COL14A1: variants seen among roughly 807,000 people sequenced by gnomAD.
The protein encoded by COL14A1 is collagen alpha-1(XIV) chain.
A neutral mutation model predicts 230.3 loss-of-function variants in COL14A1; 136 were observed. The observed-to-expected ratio is 0.59, with a 90% CI of 0.51 to 0.68. The LOEUF (loss-of-function observed/expected upper bound fraction) is 0.68. COL14A1 is among the 30% of genes least tolerant of loss of function. The pLI is 0.00. For missense variants in COL14A1, 1,976 were observed against 2,215.8 expected, an observed-to-expected ratio of 0.89 and a Z score of 2.17; for synonymous variants, 792 against 784.1, an observed-to-expected ratio of 1.01 and a Z score of -0.17.
At chr8:120,323,163 A>C (rs2130160746) in intron 40 of COL14A1, among the ~76,000 whole-genome samples, 1 of 152,028 alleles carries the variant, frequency 6.6e-6, no homozygotes, top group South Asian at 2.1e-4. Context: ...GTCTTTAATG[A>C]TCAGTGATGT....
At chr8:120,278,837 C>T (rs1819937891) in intron 28 of COL14A1, among the ~76,000 whole-genome samples, 1 of 151,958 alleles carries the variant, frequency 6.6e-6, no homozygotes, top group African/African-American at 2.4e-5. Flanking sequence ...CAATTAAGTA[C>T]TGTAAGAAAA....
chr8:120,236,103 T>A (rs1326901147), intron 19 of COL14A1, among the ~76,000 whole-genome samples: 1 of 152,166 alleles, frequency 6.6e-6, no homozygotes, highest in Non-Finnish European at 1.5e-5. Context: ...TGGTTTGGAG[T>A]GGAGAGTTCT....
chr8:120,305,668 A>AT (rs1218930263), intron 36 of COL14A1, among the ~76,000 whole-genome samples: 1 of 151,250 alleles, frequency 6.6e-6, no homozygotes, highest in African/African-American at 2.4e-5. Flanking sequence ...CACAACTTTA[A>AT]TTTTACTTTC....
intron 42 of COL14A1, among the ~76,000 whole-genome samples, chr8:120,333,516 G>T (rs78388559): frequency 2.6e-5 from 4 of 152,320 alleles, no homozygotes; most frequent in Middle Eastern, 3.4e-3. Flanking sequence ...GCAAAGATGT[G>T]TACAACTGCA....
At chr8:120,186,833 C>T (rs1321293847) in intron 5 of COL14A1, among the ~76,000 whole-genome samples, 1 of 152,116 alleles carries the variant, frequency 6.6e-6, no homozygotes, top group African/African-American at 2.4e-5. Context: ...CAAGAGATGA[C>T]CCAGATAAAG....
At chr8:120,146,444 A>G (rs1247088570) in intron 1 of COL14A1, among the ~76,000 whole-genome samples, 2 of 150,624 alleles carry the variant, frequency 1.3e-5, no homozygotes, top group African/African-American at 4.8e-5. Context: ...TTACTATAGT[A>G]AGGTATACCT....
chr8:120,232,573 C>G (rs1363611089), intron 19 of COL14A1, among the ~76,000 whole-genome samples: 1 of 152,266 alleles, frequency 6.6e-6, no homozygotes, highest in Non-Finnish European at 1.5e-5. Context: ...CAGCTTCATC[C>G]ATGTCCCTGC....
chr8:120,226,565 C>A lies in COL14A1; in HGVS notation c.1865-62C>A, dbSNP rs573983234. On this transcript the variant is annotated intron_variant, in intron 15 of 47. Coordinates refer to ENST00000297848, the MANE Select transcript of COL14A1 (RefSeq NM_021110.4). Reference sequence around the variant, plus strand: ...GAGTCTTCTACACCCCTGGGAGATACTTGGGTTTTGGCTTTCTTGCCTTCT... The same window carrying A: ...GAGTCTTCTACACCCCTGGGAGATAATTGGGTTTTGGCTTTCTTGCCTTCT... The A allele has an allele frequency of 7.2e-4, 1,133 of 1,582,016 alleles. 2 individuals are homozygous for A. Among genetic ancestry groups the A allele is most frequent in the Middle Eastern group, 2.4e-3 (14 of 5,776 alleles).
chr8:120,370,576 CA>C, intron 47 of COL14A1: 2 of 1,456,508 alleles, frequency 1.4e-6, no homozygotes, highest in Non-Finnish European at 1.8e-6. Context: ...GGAACTTAAC[CA>C]AATCATATAT....
intron 23 of COL14A1, among the ~76,000 whole-genome samples, chr8:120,256,301 A>G (rs1384640497): frequency 6.6e-6 from 1 of 152,222 alleles, no homozygotes; most frequent in Admixed American, 6.5e-5. Flanking sequence ...TGGGTTTAGT[A>G]GCCCATATTC....
At chr8:120,369,309 T>C (rs1231821281) in intron 46 of COL14A1, 21 bp from the exon 47 acceptor site, 1 of 1,482,860 alleles carries the variant, frequency 6.7e-7, no homozygotes, top group African/African-American at 1.4e-5. Flanking sequence ...CCAACGGTTT[T>C]CATCTGTGGG....
intron 5 of COL14A1, among the ~76,000 whole-genome samples, chr8:120,185,831 G>A (rs1246614070): frequency 6.6e-6 from 1 of 152,096 alleles, no homozygotes; most frequent in East Asian, 1.9e-4. Context: ...GCAGTGCAAT[G>A]GCGTGATCTT....
At chr8:120,316,132 C>A in intron 40 of COL14A1, 135 bp downstream of exon 40, 1 of 739,424 alleles carries the variant, frequency 1.4e-6, no homozygotes, top group Non-Finnish European at 2.3e-6. Context: ...ATGTATTTTC[C>A]ACCTATCCTG....
intron 13 of COL14A1, among the ~76,000 whole-genome samples, chr8:120,214,910 C>T (rs1032881667): frequency 5.9e-5 from 9 of 152,080 alleles, no homozygotes; most frequent in South Asian, 4.1e-4. Context: ...ACTGGCTATG[C>T]GTATATCTAG....
At chr8:120,195,331 A>AT (rs926575873) in intron 5 of COL14A1, among the ~76,000 whole-genome samples, 5 of 152,154 alleles carry the variant, frequency 3.3e-5, no homozygotes, top group East Asian at 1.9e-4. Flanking sequence ...AAAAATAAAG[A>AT]TTTTTTTAGA....
chr8:120,166,910 GTGTGTGTGTGT>G, intron 4 of COL14A1, among the ~76,000 whole-genome samples: 1 of 149,656 alleles, frequency 6.7e-6, no homozygotes, highest in African/African-American at 2.5e-5. Flanking sequence ...GTGTGTGTGT[GTGTGTGTGTGT>G]GGTGGTGATG....
intron 37 of COL14A1, among the ~76,000 whole-genome samples, chr8:120,310,781 A>G (rs2130087355): frequency 6.6e-6 from 1 of 152,302 alleles, no homozygotes; most frequent in Admixed American, 6.5e-5. Flanking sequence ...ATTTCCTTAA[A>G]GTCTATGCTG....
chr8:120,371,308 T>G lies in COL14A1; in HGVS notation c.*77T>G. The G allele has an allele frequency of 8.4e-7, 1 of 1,186,098 alleles. No homozygotes were observed. The highest frequency in any genetic ancestry group is 1.2e-6 in the Non-Finnish European group (1 of 822,290). 73.5% of individuals were successfully genotyped at this position (1,186,098 alleles called of 1,614,324 possible). A position where few individuals can be genotyped will look rare whatever the true frequency, so the allele number is the denominator to read the frequency against. Reference sequence around the variant, plus strand: ...GTTTGAGAAAATGTTGTTATGTGGTTTGTATGCTACTTTTGGGGGGCAGGG... The same window carrying G: ...GTTTGAGAAAATGTTGTTATGTGGTGTGTATGCTACTTTTGGGGGGCAGGG... On this transcript the variant is annotated 3_prime_UTR_variant, in exon 48 of 48. Coordinates refer to ENST00000297848, the MANE Select transcript of COL14A1 (RefSeq NM_021110.4).
intron 4 of COL14A1, among the ~76,000 whole-genome samples, chr8:120,166,106 G>T (rs1193928683): frequency 6.6e-6 from 1 of 152,152 alleles, no homozygotes; most frequent in East Asian, 1.9e-4. Flanking sequence ...GTAGAAGGTA[G>T]AAATAGATCT....
Sources: allele counts gnomAD v4.1 joint callset (sites outside exome capture counted in the v4.1 genomes callset), GRCh38; gene constraint gnomAD v4.1.1; transcripts MANE v1.5; gene names NCBI Gene and HGNC (gene_info 2026-07-23, HGNC 2026-07-21).